Variants in PHLPP1 observed in about 807,000 individuals in gnomAD.
PHLPP1 encodes PH domain and leucine rich repeat protein phosphatase 1.
Under a neutral mutation model 117.2 loss-of-function variants are expected in PHLPP1, and 42 were observed. The ratio of observed to expected loss-of-function variants is 0.36; its 90% CI spans 0.28 to 0.46. The LOEUF is 0.46. Among genes scored for constraint, PHLPP1 ranks in the 20% least tolerant of loss-of-function variants. The pLI, the probability that PHLPP1 is intolerant of heterozygous loss-of-function variation, is 1.00. For synonymous variants in PHLPP1, 1,042 were observed against 970.7 expected (o/e 1.07, Z -1.37); for missense variants, 2,084 against 2,241.9 (o/e 0.93, Z 1.42).
chr18:62,728,394 G>A (rs1311707668), intron 1 of PHLPP1, among the ~76,000 whole-genome samples: 5 of 152,084 alleles, frequency 3.3e-5, no homozygotes, highest in Non-Finnish European at 7.4e-5. Flanking sequence ...TTAGGCAGCA[G>A]TCTCAGCTGT....
intron 1 of PHLPP1, among the ~76,000 whole-genome samples, chr18:62,739,344 A>G (rs1287620965): frequency 6.6e-6 from 1 of 152,214 alleles, no homozygotes; most frequent in Non-Finnish European, 1.5e-5. Context: ...TAGCTGGCAA[A>G]GCTAATTTTT....
rs867270037 is a variant in PHLPP1 at position 62,970,560 on chromosome 18, T to C, written c.3561-1954T>C. Among the ~76,000 whole-genome samples, 5 of 151,644 alleles carry C rather than the reference T, an allele frequency of 3.3e-5. 1 individual carries two copies. The Middle Eastern group carries it at 0.014, about 413-fold the overall frequency. ...CGGGCGGATCGCTCGAGATCAGGAG[T>C]ATGAGACCAACCTGGCCAAGATGGT... On this transcript the variant is annotated intron_variant, in intron 14 of 16. Transcript: ENST00000262719.
At chr18:62,755,580 TGTGAGGATGCA>T (rs1263994881) in intron 1 of PHLPP1, among the ~76,000 whole-genome samples, 8 of 152,200 alleles carry the variant, frequency 5.3e-5, no homozygotes, top group Non-Finnish European at 7.3e-5. Context: ...TCTTCCACCC[TGTGAGGATGCA>T]GTGAGAAGGT....
chr18:62,803,670 C>G (rs1008510354), intron 1 of PHLPP1, among the ~76,000 whole-genome samples: 4 of 152,124 alleles, frequency 2.6e-5, no homozygotes, highest in African/African-American at 9.7e-5. Context: ...TGTGCATCTT[C>G]TAGTGCAATT....
At chr18:62,832,981 G>A (rs1914796322) in intron 2 of PHLPP1, among the ~76,000 whole-genome samples, 1 of 152,080 alleles carries the variant, frequency 6.6e-6, no homozygotes, top group South Asian at 2.1e-4. Flanking sequence ...TTTAGTTATT[G>A]AAAGAGTATT....
At chr18:62,789,085 G>A (rs1193198907) in intron 1 of PHLPP1, among the ~76,000 whole-genome samples, 1 of 152,166 alleles carries the variant, frequency 6.6e-6, no homozygotes, top group East Asian at 1.9e-4. Flanking sequence ...TTTGTGTCAA[G>A]GCAATAAACC....
chr18:62,936,185 A>G (rs568125470), intron 10 of PHLPP1, among the ~76,000 whole-genome samples: 1 of 152,334 alleles, frequency 6.6e-6, no homozygotes, highest in South Asian at 2.1e-4. Flanking sequence ...GCGTGAGTCA[A>G]CTTGAAGGAG....
At chr18:62,856,331 C>CTT (rs1172561636) in intron 3 of PHLPP1, among the ~76,000 whole-genome samples, 1 of 152,168 alleles carries the variant, frequency 6.6e-6, no homozygotes, top group Non-Finnish European at 1.5e-5. Context: ...GGATCTGCTG[C>CTT]TTACCCCATA....
chr18:62,722,495 T>C (rs1910950892), intron 1 of PHLPP1, among the ~76,000 whole-genome samples: 1 of 152,012 alleles, frequency 6.6e-6, no homozygotes, highest in Admixed American at 6.6e-5. Context: ...GAAAATGAAG[T>C]CTTTTTTTTT....
chr18:62,955,531 G>T (rs768106380), intron 12 of PHLPP1, among the ~76,000 whole-genome samples: 29 of 152,170 alleles, frequency 1.9e-4, no homozygotes, highest in Admixed American at 5.9e-4. Flanking sequence ...GGAACCTGCT[G>T]CAGTGAATCA....
intron 12 of PHLPP1, among the ~76,000 whole-genome samples, chr18:62,954,531 C>G (rs1910557552): frequency 6.6e-6 from 1 of 152,182 alleles, no homozygotes; most frequent in Admixed American, 6.5e-5. Context: ...AAGAACATGA[C>G]AGAGTGCTTC....
At chr18:62,754,323 T>C (rs1240433892) in intron 1 of PHLPP1, among the ~76,000 whole-genome samples, 2 of 152,224 alleles carry the variant, frequency 1.3e-5, no homozygotes, top group Non-Finnish European at 2.9e-5. Flanking sequence ...GTAGGGCATG[T>C]CTGTGTGTGC....
chr18:62,722,069 G>A (rs1252073007), intron 1 of PHLPP1, among the ~76,000 whole-genome samples: 1 of 152,164 alleles, frequency 6.6e-6, no homozygotes, highest in African/African-American at 2.4e-5. Context: ...CCCCAGGGAT[G>A]TGTTAAACAC....
At chr18:62,821,868 C>T (rs77851659) in intron 1 of PHLPP1, among the ~76,000 whole-genome samples, 2,319 of 152,010 alleles carry the variant, frequency 0.015, 61 homozygotes, top group African/African-American at 0.053. Context: ...TCTCCCACCT[C>T]CTACTCAAGC....
chr18:62,824,640 TG>T (rs1914560046), intron 1 of PHLPP1, among the ~76,000 whole-genome samples: 1 of 152,150 alleles, frequency 6.6e-6, no homozygotes, highest in Non-Finnish European at 1.5e-5. Flanking sequence ...TTAATAAATC[TG>T]TAAAAAAAAG....
intron 11 of PHLPP1, among the ~76,000 whole-genome samples, chr18:62,943,707 C>T (rs921485846): frequency 6.6e-6 from 1 of 152,130 alleles, no homozygotes; most frequent in Non-Finnish European, 1.5e-5. Flanking sequence ...GTGGTATCTG[C>T]CCCCATGACC....
chr18:62,812,256 C>T (rs888592490), intron 1 of PHLPP1, among the ~76,000 whole-genome samples: 1 of 152,040 alleles, frequency 6.6e-6, no homozygotes, highest in Non-Finnish European at 1.5e-5. Context: ...GCTTGGCTTT[C>T]GAATTTTTAT....
intron 1 of PHLPP1, among the ~76,000 whole-genome samples, chr18:62,726,617 T>C (rs1451717598): frequency 2.8e-5 from 4 of 143,382 alleles, no homozygotes; most frequent in Non-Finnish European, 6.1e-5. Flanking sequence ...GGAGTCTTGC[T>C]CTGTCACCCA....
At position 62,979,441 on chromosome 18, in the gene PHLPP1, G is replaced by A; in HGVS notation, c.*10G>A. 1.3e-6 allele frequency: 2 copies of A among 1,549,090 alleles called. No individual in the cohort carries two copies. Among genetic ancestry groups the A allele is most frequent in the South Asian group, 2.4e-5 (2 of 83,910 alleles). ...CGACACGCCACTATGACCCAGCCGAGCTGTTTAACAAATAAACTAACCACA... is the reference window on the plus strand; with the variant it reads ...CGACACGCCACTATGACCCAGCCGAACTGTTTAACAAATAAACTAACCACA... On this transcript the variant is annotated 3_prime_UTR_variant, in exon 17 of 17. Transcript: ENST00000262719.
Sources: gnomAD v4.1 joint callset for allele counts (sites outside exome capture counted in the v4.1 genomes callset) on GRCh38, gnomAD v4.1.1 for gene constraint, MANE v1.5 for transcripts, NCBI Gene and HGNC (gene_info 2026-07-23, HGNC 2026-07-21) for gene names.